INHBB: variants seen among roughly 807,000 people sequenced by gnomAD.
INHBB encodes inhibin beta B chain.
INHBB carries 8 observed loss-of-function variants against 28.9 expected under a neutral mutation model. That is an observed-to-expected ratio of 0.28 (90% CI 0.16 to 0.50). The LOEUF (loss-of-function observed/expected upper bound fraction) is 0.50. Ranked by LOEUF, INHBB falls within the 20% of genes least tolerant of loss-of-function variation. The pLI is 0.98. For missense variants in INHBB, 499 were observed against 597.8 expected, an observed-to-expected ratio of 0.83 and a Z score of 1.72; for synonymous variants, 293 against 262.7, an observed-to-expected ratio of 1.12 and a Z score of -1.12.
intron 1 of INHBB, among the ~76,000 whole-genome samples, chr2:120,347,757 A>ATTC: frequency 6.6e-6 from 1 of 152,150 alleles, no homozygotes; most frequent in Non-Finnish European, 1.5e-5. Context: ...AGGGATGAAA[A>ATTC]GTTTTGCATG....
chr2:120,350,497 G>A lies in INHBB; in HGVS notation c.*623G>A, dbSNP rs976736178. ...GAGCCTGTCCTTCCATGCCCTTGTC[G>A]AGGGAAAGAGACCCAGAAAGGACAC... On this transcript the variant is annotated 3_prime_UTR_variant, in exon 2 of 2. Coordinates refer to ENST00000295228, the MANE Select transcript of INHBB (RefSeq NM_002193.4). The A allele has an allele frequency of 2.0e-5, 3 of 152,748 alleles. No individual in the cohort carries two copies. The highest frequency in any genetic ancestry group is 4.4e-5 in the Non-Finnish European group (3 of 68,498). The allele number at this position is 152,748 out of a possible 1,614,324, so 9.5% of individuals were successfully genotyped here.
At chr2:120,348,499 C>T (rs550903297) in intron 1 of INHBB, among the ~76,000 whole-genome samples, 1 of 152,164 alleles carries the variant, frequency 6.6e-6, no homozygotes, top group East Asian at 1.9e-4. Context: ...CTAGGCTCTG[C>T]AGCCTGCAAA....
chr2:120,347,676 G>A (rs1229560016), intron 1 of INHBB, among the ~76,000 whole-genome samples: 2 of 152,190 alleles, frequency 1.3e-5, no homozygotes, highest in East Asian at 1.9e-4. Context: ...AGCCTCGGTG[G>A]GGGGAGCGGT....
intron 1 of INHBB, among the ~76,000 whole-genome samples, 186 bp from the exon 2 acceptor site, chr2:120,348,913 C>T (rs182048209): frequency 7.2e-5 from 11 of 152,184 alleles, no homozygotes; most frequent in Admixed American, 4.6e-4. Flanking sequence ...CAATGAGAAA[C>T]GATTTTCTCT....
intron 1 of INHBB, among the ~76,000 whole-genome samples, chr2:120,348,574 G>C (rs1691202311): frequency 6.6e-6 from 1 of 151,552 alleles, no homozygotes; most frequent in East Asian, 1.9e-4. Context: ...TTCCACTGGG[G>C]GTTGGATCAC....
chr2:120,349,211 C>T lies in INHBB; in HGVS notation c.561C>T (p.Tyr187=), dbSNP rs1186754708. The T allele has an allele frequency of 9.3e-6, 15 of 1,614,050 alleles. No individual in the cohort carries two copies. Among genetic ancestry groups the T allele is most frequent in the Admixed American group, 5.0e-5 (3 of 60,006 alleles). Residue 187 remains tyrosine (Y), a synonymous_variant, in exon 2 of 2, where the codon TAC becomes TAT. Coordinates refer to ENST00000295228, the MANE Select transcript of INHBB (RefSeq NM_002193.4). The surrounding 1 kb of genome is among the most constrained non-coding windows in gnomAD (Gnocchi z 5.6). ...SLWLYLKLLP[Y]VLEKGSRRKV... is the part of the protein sequence containing the mutation. ...GGCTTTACCTGAAACTCCTGCCCTA[C>T]GTCCTGGAGAAGGGCAGCCGGCGGA...
chr2:120,346,690 C>T (rs1691162155), intron 1 of INHBB, 54 bp downstream of exon 1: 1 of 1,365,848 alleles, frequency 7.3e-7, no homozygotes, highest in Non-Finnish European at 9.4e-7. Flanking sequence ...CCCGCTCTCC[C>T]TCTCCTTGCT....
rs1691148699 is a variant in INHBB, at chr2:120,346,249, T to C, written c.61T>C (p.Trp21Arg). The C allele has an allele frequency of 3.3e-6, 4 of 1,229,264 alleles. No homozygotes were observed. Among genetic ancestry groups the C allele is most frequent in the South Asian group, 3.9e-5 (1 of 25,846 alleles). 76.1% of individuals were successfully genotyped at this position (1,229,264 alleles called of 1,614,324 possible). ...AACLLLLAAG[W>R]LGPEAWGSPT... ...CTGCCTTCTGCTGCTGGCGGCCGGC[T>C]GGCTGGGGCCTGAGGCCTGGGGCTC... The change falls in exon 1 of 2, where the codon TGG becomes CGG. Residue 21 changes from tryptophan to arginine, a missense_variant. Transcript: ENST00000295228.
rs545549839 is a variant in INHBB at position 120,348,977 on chromosome 2, C to T, written c.449-122C>T. 4.4e-6 allele frequency: 5 copies of T among 1,146,196 alleles called. No homozygotes were observed. The East Asian group carries it at 1.0e-4, about 23-fold the overall frequency. 71.0% of individuals were successfully genotyped at this position (1,146,196 alleles called of 1,614,324 possible). On this transcript the variant is annotated intron_variant, in intron 1 of 1. Coordinates refer to ENST00000295228, the MANE Select transcript of INHBB (RefSeq NM_002193.4). ...TGGCCCCAAGAATGGTATTTCTGGT[C>T]AGTAACGTTTTCCAGCTGTGTGGCG...
Position 120,349,538 on chromosome 2 carries a change from C to T in INHBB, c.888C>T (p.Cys296=), listed in dbSNP as rs140523491. ...GCATTCGCAAGCGAGGCCTGGAGTG[C>T]GATGGCCGGACCAACCTCTGTTGCA... ...RHRIRKRGLE[C]DGRTNLCCRQ... The change falls in exon 2 of 2, where the codon TGC becomes TGT. Residue 296 remains cysteine (C), a synonymous_variant. Transcript: ENST00000295228. The surrounding 1 kb of genome is among the most constrained non-coding windows in gnomAD (Gnocchi z 5.6). The T allele has an allele frequency of 1.5e-5, 25 of 1,613,848 alleles. No individual in the cohort carries two copies. The highest frequency in any genetic ancestry group is 1.5e-4 in the African/African-American group (11 of 74,942).
At position 120,351,730 on chromosome 2, in the gene INHBB, A is replaced by T. The variant is rs1160189719; in HGVS notation, c.*1856A>T. Reference sequence around the variant, plus strand: ...GTTTCATAATAATTTAAAACCAAACAATTTTCCCATAGACTTGCTGTTAAA... The same window carrying T: ...GTTTCATAATAATTTAAAACCAAACTATTTTCCCATAGACTTGCTGTTAAA... On this transcript the variant is annotated 3_prime_UTR_variant, in exon 2 of 2. Transcript: ENST00000295228. The T allele has an allele frequency of 6.6e-6, 1 of 152,250 alleles. No individual in the cohort carries two copies. Among genetic ancestry groups the T allele is most frequent in the African/African-American group, 2.4e-5 (1 of 41,460 alleles). 9.4% of individuals were successfully genotyped at this position (152,250 alleles called of 1,614,324 possible). A position where few individuals can be genotyped will look rare whatever the true frequency, so the allele number is the denominator to read the frequency against.
At position 120,349,674 on chromosome 2, in the gene INHBB, G is replaced by A. The variant is rs1257723139; in HGVS notation, c.1024G>A (p.Gly342Arg). 1 of 1,613,738 alleles carries A rather than the reference G, an allele frequency of 6.2e-7. No individual in the cohort carries two copies. Among genetic ancestry groups the A allele is most frequent in the Non-Finnish European group, 8.5e-7 (1 of 1,180,052 alleles). The change falls in exon 2 of 2, where the codon GGG becomes AGG. Residue 342 changes from glycine to arginine, a missense_variant. Physicochemically the swap from Gly to Arg is moderately radical, Grantham distance 125. Coordinates refer to ENST00000295228, the MANE Select transcript of INHBB (RefSeq NM_002193.4). This position sits in a 1 kb window ranked among gnomAD's most constrained non-coding sequence, Gnocchi z 5.6. ...GGGCAGCTGCCCAGCCTACCTGGCAGGGGTCCCCGGCTCTGCCTCCTCCTT... is the reference window on the plus strand; with the variant it reads ...GGGCAGCTGCCCAGCCTACCTGGCAAGGGTCCCCGGCTCTGCCTCCTCCTT... ...CEGSCPAYLA[G>R]VPGSASSFHT... is the part of the protein sequence containing the mutation.
chr2:120,346,255 G>C lies in INHBB; in HGVS notation c.67G>C (p.Gly23Arg). The C allele has an allele frequency of 8.0e-7, 1 of 1,242,704 alleles. No homozygotes were observed. The highest frequency in any genetic ancestry group is 1.0e-6 in the Non-Finnish European group (1 of 993,464). 77.0% of individuals were successfully genotyped at this position (1,242,704 alleles called of 1,614,324 possible). A position where few individuals can be genotyped will look rare whatever the true frequency, so the allele number is the denominator to read the frequency against. The change falls in exon 1 of 2, where the codon GGG becomes CGG. Residue 23 changes from glycine (G) to arginine (R), a missense_variant. Physicochemically the swap from Gly to Arg is moderately radical, Grantham distance 125. Transcript: ENST00000295228. ...CLLLLAAGWLGPEAWGSPTPP... is the reference protein window; with the variant it reads ...CLLLLAAGWLRPEAWGSPTPP... ...TCTGCTGCTGGCGGCCGGCTGGCTG[G>C]GGCCTGAGGCCTGGGGCTCACCCAC...
intron 1 of INHBB, among the ~76,000 whole-genome samples, chr2:120,348,222 GAAAAAAAAA>G (rs71396084): frequency 7.7e-5 from 6 of 77,842 alleles, no homozygotes; most frequent in East Asian, 4.1e-4. Context: ...TGTTCTTCCT[GAAAAAAAAA>G]AAAAAAAAAA....
At position 120,346,245 on chromosome 2, in the gene INHBB, C is replaced by T. The variant is rs1691148648; in HGVS notation, c.57C>T (p.Ala19=). 2.4e-6 allele frequency: 3 copies of T among 1,227,836 alleles called. No individual in the cohort carries two copies. Among genetic ancestry groups the T allele is most frequent in the Non-Finnish European group, 3.0e-6 (3 of 985,302 alleles). 76.1% of individuals were successfully genotyped at this position (1,227,836 alleles called of 1,614,324 possible). A position where few individuals can be genotyped will look rare whatever the true frequency, so the allele number is the denominator to read the frequency against. Residue 19 remains alanine (A), a synonymous_variant, in exon 1 of 2, where the codon GCC becomes GCT. Transcript: ENST00000295228. The part of the protein sequence containing the change: ...LGAACLLLLA[A]GWLGPEAWGS... Reference sequence around the variant, plus strand: ...CCGCCTGCCTTCTGCTGCTGGCGGCCGGCTGGCTGGGGCCTGAGGCCTGGG... The same window carrying T: ...CCGCCTGCCTTCTGCTGCTGGCGGCTGGCTGGCTGGGGCCTGAGGCCTGGG...
rs141948779 is a variant in INHBB at position 120,351,035 on chromosome 2, C to G, written c.*1161C>G. ...GTGGGCCCCAGCCATCAGGGCTGGC[C>G]GTGGACGTGGCCCCTGCCCACTCAC... On this transcript the variant is annotated 3_prime_UTR_variant, in exon 2 of 2. Coordinates refer to ENST00000295228, the MANE Select transcript of INHBB (RefSeq NM_002193.4). 45 of 152,918 alleles carry G rather than the reference C, an allele frequency of 2.9e-4. No homozygotes were observed. Among genetic ancestry groups the G allele is most frequent in the African/African-American group, 9.4e-4 (39 of 41,598 alleles). The allele number at this position is 152,918 out of a possible 1,614,324, so 9.5% of individuals were successfully genotyped here.
rs1378560393 is a variant in INHBB, at chr2:120,349,023, CAGCAGAG to C, written c.449-73_449-67del. On this transcript the variant is annotated intron_variant, in intron 1 of 1. Transcript: ENST00000295228. The surrounding 1 kb of genome is among the most constrained non-coding windows in gnomAD (Gnocchi z 5.6). ...TGGCGAGTTGCATTCCAGCATCCTG[CAGCAGAG>C]AGTGTGTTTCCCCCATTGCCTTGTG... The C allele has an allele frequency of 2.7e-6, 4 of 1,485,124 alleles. No homozygotes were observed. The highest frequency in any genetic ancestry group is 1.4e-5 in the African/African-American group (1 of 71,374). The allele number at this position is 1,485,124 out of a possible 1,614,324, so 92.0% of individuals were successfully genotyped here. A position where few individuals can be genotyped will look rare whatever the true frequency, so the allele number is the denominator to read the frequency against.
chr2:120,349,277 T>G lies in INHBB; in HGVS notation c.627T>G (p.Gly209=). 1 of 1,614,028 alleles carries G rather than the reference T, an allele frequency of 6.2e-7. No homozygotes were observed. The highest frequency in any genetic ancestry group is 8.5e-7 in the Non-Finnish European group (1 of 1,180,006). Residue 209 remains glycine (G), a synonymous_variant, in exon 2 of 2, where the codon GGT becomes GGG. Coordinates refer to ENST00000295228, the MANE Select transcript of INHBB (RefSeq NM_002193.4). This position sits in a 1 kb window ranked among gnomAD's most constrained non-coding sequence, Gnocchi z 5.6. ...TGTACTTCCAGGAGCAGGGCCACGGTGACAGGTGGAACATGGTGGAGAAGA... is the reference window on the plus strand; with the variant it reads ...TGTACTTCCAGGAGCAGGGCCACGGGGACAGGTGGAACATGGTGGAGAAGA... ...VKVYFQEQGH[G]DRWNMVEKRV...
In INHBB at chr2:120,346,238, T is replaced by G; in HGVS notation, c.50T>G (p.Leu17Arg). ...CTGGGGGCCGCCTGCCTTCTGCTGC[T>G]GGCGGCCGGCTGGCTGGGGCCTGAG... ...RALGAACLLL[L>R]AAGWLGPEAW... The change falls in exon 1 of 2, where the codon CTG becomes CGG. Residue 17 changes from leucine to arginine, a missense_variant. Coordinates refer to ENST00000295228, the MANE Select transcript of INHBB (RefSeq NM_002193.4). 8.2e-7 allele frequency: 1 copy of G among 1,224,840 alleles called. No individual in the cohort carries two copies. The highest frequency in any genetic ancestry group is 3.9e-5 in the South Asian group (1 of 25,566). 75.9% of individuals were successfully genotyped at this position (1,224,840 alleles called of 1,614,324 possible).
Sources: allele counts gnomAD v4.1 joint callset (sites outside exome capture counted in the v4.1 genomes callset), GRCh38; gene constraint gnomAD v4.1.1; non-coding constraint Gnocchi (gnomAD v3.1); transcripts MANE v1.5; gene names NCBI Gene and HGNC (gene_info 2026-07-23, HGNC 2026-07-21).